Variants in CYP4F12 observed in about 807,000 individuals in gnomAD.
CYP4F12 encodes cytochrome P450 4F12.
CYP4F12 carries 60 observed loss-of-function variants against 56.5 expected under a neutral mutation model. The ratio of observed to expected loss-of-function variants is 1.06; its 90% confidence interval spans 0.86 to 1.32. The LOEUF is 1.32. CYP4F12 is among the 40% of genes most tolerant of loss of function. The pLI is 0.00. For missense variants in CYP4F12, 711 were observed against 683.5 expected (o/e 1.04, Z -0.45); for synonymous variants, 263 against 264.9 (o/e 0.99, Z 0.07).
At chr19:15,685,276 T>C (rs1003605203) in intron 9 of CYP4F12, 79 bp downstream of exon 9, 3 of 1,550,584 alleles carry the variant, frequency 1.9e-6, no homozygotes, top group African/African-American at 2.7e-5. Flanking sequence ...GGAGGAGTTG[T>C]TTTGTGGATT....
At chr19:15,691,206 A>G (rs1035613619) in intron 9 of CYP4F12, among the ~76,000 whole-genome samples, 1 of 152,208 alleles carries the variant, frequency 6.6e-6, no homozygotes, top group African/African-American at 2.4e-5. Flanking sequence ...GTGTAGCTGT[A>G]TACTATTCCA....
rs936061426 is a variant in CYP4F12 at position 15,678,404 on chromosome 19, A to G, written c.342A>G (p.Ser114=). The G allele has an allele frequency of 3.1e-6, 5 of 1,614,004 alleles. No homozygotes were observed. The highest frequency in any genetic ancestry group is 4.2e-6 in the Non-Finnish European group (5 of 1,179,992). ...PDTIRSITNA[S]AAIAPKDNLF... ...CCATCCGGTCTATCACCAATGCCTC[A>G]GGTACCCATGCAGAGCTTGTGGTGG... Residue 114 remains serine, a splice_region_variant and synonymous_variant, in exon 3 of 13, where the codon TCA becomes TCG. Coordinates refer to ENST00000550308, the MANE Select transcript of CYP4F12 (RefSeq NM_023944.4).
In CYP4F12 at chr19:15,697,044, C is replaced by T. The variant is rs201622903; in HGVS notation, c.1534C>T (p.Leu512Phe). Reference protein sequence around the residue: ...LELIMRAEGGLWLRVEPLNVS... With the variant: ...LELIMRAEGGFWLRVEPLNVS... ...ATTGATCATGCGCGCCGAGGGCGGG[C>T]TTTGGCTGCGGGTGGAGCCCCTGAA... is the stretch of plus-strand genomic sequence containing the variant. Residue 512 changes from leucine to phenylalanine, a missense_variant, in exon 13 of 13, where the codon CTT becomes TTT. Leu to Phe is a conservative substitution (Grantham distance 22, BLOSUM62 0). Transcript: ENST00000550308. 2 of 1,614,100 alleles carry T rather than the reference C, an allele frequency of 1.2e-6. No individual in the cohort carries two copies. Among genetic ancestry groups the T allele is most frequent in the Non-Finnish European group, 1.7e-6 (2 of 1,179,930 alleles).
chr19:15,677,766 T>TC (rs2007048057), intron 2 of CYP4F12, among the ~76,000 whole-genome samples: 3 of 151,406 alleles, frequency 2.0e-5, no homozygotes, highest in African/African-American at 7.3e-5. Context: ...ATGCACTCAT[T>TC]CTTCTCCTCA....
chr19:15,685,516 A>G (rs1263675599), intron 9 of CYP4F12, among the ~76,000 whole-genome samples: 1 of 152,108 alleles, frequency 6.6e-6, no homozygotes, highest in Non-Finnish European at 1.5e-5. Context: ...TTTTTCGAAA[A>G]TCCTCACTTC....
Position 15,694,597 on chromosome 19 carries a change from A to G in CYP4F12, c.1116-1339A>G, listed in dbSNP as rs966122001. ...GCTTAAGGAGATTTTGGGCTGAGAC[A>G]ATGGGGTTTTCTAGATATACAATCA... is the stretch of plus-strand genomic sequence containing the variant. On this transcript the variant is annotated intron_variant, in intron 9 of 12. Transcript: ENST00000550308. Among the ~76,000 whole-genome samples, 760 of 152,258 alleles carry G rather than the reference A, an allele frequency of 5.0e-3. 1 individual carries two copies. The highest frequency in any genetic ancestry group is 7.9e-3 in the Non-Finnish European group (537 of 68,018).
chr19:15,673,501 C>A (rs1331460090), intron 1 of CYP4F12, 28 bp from the exon 2 acceptor site: 3 of 1,609,658 alleles, frequency 1.9e-6, no homozygotes, highest in Non-Finnish European at 1.7e-6. Context: ...GCCTCAGGTC[C>A]TCACCCTGCA....
chr19:15,680,504 T>G lies in CYP4F12; in HGVS notation c.510T>G (p.Ser170Arg). 6.2e-7 allele frequency: 1 copy of G among 1,614,078 alleles called. No individual in the cohort carries two copies. The highest frequency in any genetic ancestry group is 8.5e-7 in the Non-Finnish European group (1 of 1,180,012). Residue 170 changes from serine (S) to arginine (R), a missense_variant, in exon 5 of 13, where the codon AGT (serine) becomes AGG (arginine). Ser to Arg is a moderately radical substitution (Grantham distance 110). Transcript: ENST00000550308. ...LKSYITIFNK[S>R]ANIMLDKWQH... ...CCTATATAACGATCTTCAACAAGAGTGCAAACATCATGCTTGTGAGTCCCT... is the reference window on the plus strand; with the variant it reads ...CCTATATAACGATCTTCAACAAGAGGGCAAACATCATGCTTGTGAGTCCCT...
intron 3 of CYP4F12, 55 bp from the exon 4 acceptor site, chr19:15,680,189 C>G: frequency 6.4e-7 from 1 of 1,551,140 alleles, no homozygotes; most frequent in Non-Finnish European, 8.7e-7. Flanking sequence ...TGCCCTATAC[C>G]TGAAGTTCCT....
chr19:15,684,162 C>A (rs1233953222), intron 7 of CYP4F12: 2 of 159,966 alleles, frequency 1.3e-5, no homozygotes, highest in Non-Finnish European at 2.7e-5. Context: ...ATTCCTAGGG[C>A]AACACAATGT....
chr19:15,684,665 C>A lies in CYP4F12; in HGVS notation c.919-151C>A, dbSNP rs2007501436. ...TTTGGTGATGGTGAACAAGAGAGAT[C>A]TAGACGTGCAGAGTGCATTTGAGTT... On this transcript the variant is annotated intron_variant, in intron 7 of 12. Transcript: ENST00000550308. 8 of 730,470 alleles carry A rather than the reference C, an allele frequency of 1.1e-5. No homozygotes were observed. The East Asian group carries it at 2.2e-4, about 20-fold the overall frequency. The allele number at this position is 730,470 out of a possible 1,614,324, so 45.2% of individuals were successfully genotyped here.
rs1026759274 is a variant in CYP4F12 at position 15,683,718 on chromosome 19, C to G, written c.873C>G (p.Ala291=). The stretch of plus-strand genomic sequence containing the variant: ...TTGATGATTTTTTCAAAGACAAAGC[C>G]AAGTCCAAGACTTTGGATTTCATTG... ...QGIDDFFKDK[A]KSKTLDFIDV... The change falls in exon 7 of 13, where the codon GCC becomes GCG. Residue 291 remains alanine, a synonymous_variant. Transcript: ENST00000550308. The G allele has an allele frequency of 2.5e-6, 4 of 1,600,976 alleles. No homozygotes were observed. The African/African-American group carries it at 5.4e-5, about 22-fold the overall frequency.
intron 12 of CYP4F12, 127 bp downstream of exon 12, chr19:15,696,639 C>A: frequency 2.4e-6 from 3 of 1,241,478 alleles, no homozygotes; most frequent in Non-Finnish European, 3.4e-6. Flanking sequence ...TATGGGAAAA[C>A]GTCCATAGAA....
In CYP4F12 at chr19:15,695,825, C is replaced by T. The variant is rs553068929; in HGVS notation, c.1116-111C>T. The T allele has an allele frequency of 5.0e-5, 71 of 1,428,338 alleles. No homozygotes were observed. In the South Asian group the frequency reaches 1.0e-3, roughly 20 times the overall value. The allele number at this position is 1,428,338 out of a possible 1,614,324, so 88.5% of individuals were successfully genotyped here. A position where few individuals can be genotyped will look rare whatever the true frequency, so the allele number is the denominator to read the frequency against. On this transcript the variant is annotated intron_variant, in intron 9 of 12. Coordinates refer to ENST00000550308, the MANE Select transcript of CYP4F12 (RefSeq NM_023944.4). ...TTTAAAATTCTCAAATGTTTGATCC[C>T]CGTGGAGTTTATTTTGTGATAGGGA...
At chr19:15,680,639 C>A (rs2007245815) in intron 5 of CYP4F12, 120 bp downstream of exon 5, 5 of 1,308,282 alleles carry the variant, frequency 3.8e-6, no homozygotes, top group Non-Finnish European at 5.5e-6. Flanking sequence ...CCTCTCTGAG[C>A]CTTGGTTTCC....
intron 9 of CYP4F12, among the ~76,000 whole-genome samples, chr19:15,695,502 A>ATT (rs1568426820): frequency 7.0e-5 from 7 of 99,824 alleles, no homozygotes; most frequent in African/African-American, 2.6e-4. Flanking sequence ...TATAATAATA[A>ATT]TAAAAAAAAA....
intron 9 of CYP4F12, among the ~76,000 whole-genome samples, chr19:15,688,203 T>G (rs1486707777): frequency 6.6e-6 from 1 of 152,144 alleles, no homozygotes; most frequent in Non-Finnish European, 1.5e-5. Context: ...GCCAACTGCA[T>G]GGGAGCTAGA....
chr19:15,677,136 C>CTCACTCATTCCTGTGCCCAT (rs2006992047), intron 2 of CYP4F12, among the ~76,000 whole-genome samples: 1 of 106,302 alleles, frequency 9.4e-6, no homozygotes, highest in Non-Finnish European at 2.1e-5. Context: ...CATATCCTCA[C>CTCACTCATTCCTGTGCCCAT]TCACTCATTC....
chr19:15,680,470 T>G lies in CYP4F12; in HGVS notation c.476T>G (p.Ile159Ser), dbSNP rs998249113. 1.2e-6 allele frequency: 2 copies of G among 1,614,152 alleles called. No homozygotes were observed. Among genetic ancestry groups the G allele is most frequent in the Non-Finnish European group, 1.7e-6 (2 of 1,180,022 alleles). The change falls in exon 5 of 13, where the codon ATC becomes AGC. Residue 159 changes from isoleucine to serine, a missense_variant. Ile to Ser is a moderately radical substitution (Grantham distance 142). Transcript: ENST00000550308. Reference protein sequence around the residue: ...RMLTPAFHFNILKSYITIFNK... With the variant: ...RMLTPAFHFNSLKSYITIFNK... Reference sequence around the variant, plus strand: ...CTGACGCCCGCCTTCCATTTCAACATCCTGAAGTCCTATATAACGATCTTC... The same window carrying G: ...CTGACGCCCGCCTTCCATTTCAACAGCCTGAAGTCCTATATAACGATCTTC...
Sources: allele counts gnomAD v4.1 joint callset (sites outside exome capture counted in the v4.1 genomes callset), GRCh38; gene constraint gnomAD v4.1.1; transcripts MANE v1.5; gene names NCBI Gene and HGNC (gene_info 2026-07-23, HGNC 2026-07-21).